Variants in PLCB1 observed in about 807,000 individuals in gnomAD.
PLCB1 encodes the protein phospholipase C beta 1.
Under a neutral mutation model 161.8 loss-of-function variants are expected in PLCB1, and 46 were observed. The observed-to-expected ratio is 0.28, with a 90% CI of 0.22 to 0.36. The LOEUF is 0.36. Among genes scored for constraint, PLCB1 ranks in the 10% least tolerant of loss-of-function variants. The pLI, the probability that PLCB1 is intolerant of heterozygous loss-of-function variation, is 1.00. For missense variants in PLCB1, 1,016 were observed against 1,472.5 expected (o/e 0.69, Z 5.07); for synonymous variants, 517 against 503.7 (o/e 1.03, Z -0.35).
intron 3 of PLCB1, among the ~76,000 whole-genome samples, chr20:8,579,580 T>C (rs1736446027): frequency 4.6e-5 from 7 of 152,240 alleles, no homozygotes; most frequent in Admixed American, 4.6e-4. Flanking sequence ...TTATTAATCC[T>C]AAGTATAGAA....
At chr20:8,704,090 A>T (rs951222436) in intron 11 of PLCB1, among the ~76,000 whole-genome samples, 1 of 152,342 alleles carries the variant, frequency 6.6e-6, no homozygotes, top group Non-Finnish European at 1.5e-5. Flanking sequence ...GCAGTGGCTC[A>T]TGCCTATAAT....
intron 26 of PLCB1, among the ~76,000 whole-genome samples, chr20:8,771,153 T>A (rs1479915019): frequency 6.6e-6 from 1 of 152,150 alleles, no homozygotes; most frequent in East Asian, 1.9e-4. Flanking sequence ...GTGTTATAAC[T>A]ACAAAATACA....
chr20:8,157,742 G>A (rs1197901828), intron 2 of PLCB1, among the ~76,000 whole-genome samples: 1 of 152,166 alleles, frequency 6.6e-6, no homozygotes, highest in Non-Finnish European at 1.5e-5. Flanking sequence ...TCTAATTGAA[G>A]TGTAGCCTTT....
At chr20:8,256,671 T>G (rs552873881) in intron 2 of PLCB1, 1 of 152,120 alleles carries the variant, frequency 6.6e-6, no homozygotes, top group Non-Finnish European at 1.5e-5. Flanking sequence ...AGGCCATTAA[T>G]GGAGGCCATG....
At chr20:8,392,946 A>T (rs1987655757) in intron 3 of PLCB1, among the ~76,000 whole-genome samples, 1 of 152,192 alleles carries the variant, frequency 6.6e-6, no homozygotes, top group Non-Finnish European at 1.5e-5. Context: ...CATATTTGCC[A>T]CTTAACAGAT....
At chr20:8,802,377 GT>G in intron 31 of PLCB1, 1 of 503,548 alleles carries the variant, frequency 2.0e-6, no homozygotes. Context: ...CTCCATCATT[GT>G]GCTCTCTCTT....
At chr20:8,784,329 G>A (rs1458887058) in intron 27 of PLCB1, among the ~76,000 whole-genome samples, 1 of 152,018 alleles carries the variant, frequency 6.6e-6, no homozygotes, top group African/African-American at 2.4e-5. Context: ...TTGGGAGACT[G>A]AGAAGGGCAG....
At chr20:8,308,364 C>A (rs1378214832) in intron 2 of PLCB1, among the ~76,000 whole-genome samples, 1 of 151,830 alleles carries the variant, frequency 6.6e-6, no homozygotes, top group Non-Finnish European at 1.5e-5. Context: ...TGCCTGTAAT[C>A]CCAGCACTTC....
intron 31 of PLCB1, among the ~76,000 whole-genome samples, chr20:8,843,143 T>G (rs1434994483): frequency 2.6e-5 from 4 of 152,344 alleles, no homozygotes; most frequent in African/African-American, 9.6e-5. Context: ...TGATGTTAAC[T>G]TACACATTAA....
At chr20:8,866,331 C>A (rs1056327830) in intron 31 of PLCB1, among the ~76,000 whole-genome samples, 1 of 152,112 alleles carries the variant, frequency 6.6e-6, no homozygotes, top group Non-Finnish European at 1.5e-5. Flanking sequence ...CTTTAGACAC[C>A]AGCGCAATGT....
At chr20:8,584,698 CT>C (rs11308484) in intron 3 of PLCB1, among the ~76,000 whole-genome samples, 35,335 of 149,482 alleles carry the variant, frequency 0.24, 4,604 homozygotes, top group African/African-American at 0.37. Flanking sequence ...TCAAGATTCT[CT>C]TTTTTTTTTG....
At chr20:8,157,144 A>G (rs1010525894) in intron 2 of PLCB1, among the ~76,000 whole-genome samples, 1 of 152,234 alleles carries the variant, frequency 6.6e-6, no homozygotes, top group African/African-American at 2.4e-5. Context: ...AGGCAAAAGA[A>G]GGATTTATTG....
At chr20:8,761,628 C>T (rs1426888124) in intron 25 of PLCB1, among the ~76,000 whole-genome samples, 2 of 152,278 alleles carry the variant, frequency 1.3e-5, no homozygotes, top group East Asian at 3.9e-4. Context: ...AAGCAATTCT[C>T]CTGCCTCAGC....
At chr20:8,425,622 A>G (rs1310267140) in intron 3 of PLCB1, among the ~76,000 whole-genome samples, 1 of 152,138 alleles carries the variant, frequency 6.6e-6, no homozygotes, top group African/African-American at 2.4e-5. Flanking sequence ...TCTATTTAAA[A>G]AAAGAAAAAA....
In PLCB1 at chr20:8,444,118, C is replaced by G. The variant is rs148851016; in HGVS notation, c.246+72668C>G. On this transcript the variant is annotated intron_variant, in intron 3 of 31. Coordinates refer to ENST00000338037, the MANE Select transcript of PLCB1 (RefSeq NM_015192.4). ...GGTTTGTTACATATGTATACATGTG[C>G]CATGTTGGTGTGCTGCACCCATTAA... is the stretch of plus-strand genomic sequence containing the variant. Among the ~76,000 whole-genome samples the G allele has an allele frequency of 7.6e-3, 1,156 of 152,090 alleles. 12 individuals carry two copies. The highest frequency in any genetic ancestry group is 0.014 in the Admixed American group (213 of 15,282).
At chr20:8,703,704 G>T (rs1978499691) in intron 11 of PLCB1, among the ~76,000 whole-genome samples, 1 of 152,146 alleles carries the variant, frequency 6.6e-6, no homozygotes, top group Non-Finnish European at 1.5e-5. Context: ...AACACAGGAA[G>T]ATCTAGGAAC....
chr20:8,828,994 C>T (rs1568615632), intron 31 of PLCB1, among the ~76,000 whole-genome samples: 3 of 152,134 alleles, frequency 2.0e-5, no homozygotes, highest in African/African-American at 7.2e-5. Context: ...ATGCCTGTAA[C>T]TTCCTTTGAA....
intron 12 of PLCB1, among the ~76,000 whole-genome samples, chr20:8,715,371 A>G (rs1429965506): frequency 6.6e-6 from 1 of 152,238 alleles, no homozygotes; most frequent in Non-Finnish European, 1.5e-5. Context: ...CCGCCTTGTA[A>G]CAGTGGAATC....
intron 2 of PLCB1, among the ~76,000 whole-genome samples, chr20:8,329,073 G>A (rs755543314): frequency 6.6e-6 from 1 of 152,126 alleles, no homozygotes; most frequent in South Asian, 2.1e-4. Context: ...GTTTGAGGAG[G>A]TCTTAAATGA....
Sources: allele counts gnomAD v4.1 joint callset (sites outside exome capture counted in the v4.1 genomes callset), GRCh38; gene constraint gnomAD v4.1.1; transcripts MANE v1.5; gene names NCBI Gene and HGNC (gene_info 2026-07-23, HGNC 2026-07-21).